The following ABCA12 variants were observed in gnomAD, a reference collection of about 807,000 sequenced individuals.
ABCA12 encodes ATP binding cassette subfamily A member 12.
ABCA12 carries 156 observed loss-of-function variants against 293.5 expected under a neutral mutation model. The ratio of observed to expected loss-of-function variants is 0.53; its 90% CI spans 0.47 to 0.61. The LOEUF (loss-of-function observed/expected upper bound fraction) is 0.61, where lower values mean the gene tolerates loss of function less well. ABCA12 is among the 20% of genes least tolerant of loss of function. The probability of loss-of-function intolerance (pLI) is 0.00; values close to 1 mark genes in which losing one functional copy is unlikely to be tolerated. For missense variants in ABCA12, 2,797 were observed against 3,090.2 expected, an observed-to-expected ratio of 0.91 and a Z score of 2.25; for synonymous variants, 1,063 against 1,108.0, an observed-to-expected ratio of 0.96 and a Z score of 0.81.
At chr2:214,968,605 G>T in intron 38 of ABCA12, 115 bp downstream of exon 38, 1 of 1,002,788 alleles carries the variant, frequency 1.0e-6, no homozygotes, top group Non-Finnish European at 1.6e-6. Flanking sequence ...CCTGGGTTAT[G>T]CACAATGCCA....
At chr2:214,949,809 A>G (rs1418150609) in intron 45 of ABCA12, among the ~76,000 whole-genome samples, 2 of 152,240 alleles carry the variant, frequency 1.3e-5, no homozygotes, top group Non-Finnish European at 2.9e-5. Context: ...CTTCCTGACC[A>G]AAGTCTACCC....
rs1702119297 is a variant in ABCA12, at chr2:215,090,393, C to T, written c.163+21204G>A. Among the ~76,000 whole-genome samples the T allele has an allele frequency of 2.0e-5, 3 of 152,162 alleles. No individual in the cohort carries two copies. In the South Asian group the frequency reaches 6.2e-4, roughly 32 times the overall value. Reference sequence around the variant, plus strand: ...CTCACTCTGTGAGGAGATCCACCTACCACCTCGGGTCCTCAGACCAGCCCA... The same window carrying T: ...CTCACTCTGTGAGGAGATCCACCTATCACCTCGGGTCCTCAGACCAGCCCA... On this transcript the variant is annotated intron_variant, in intron 2 of 52. Coordinates refer to ENST00000272895, the MANE Select transcript of ABCA12 (RefSeq NM_173076.3).
intron 15 of ABCA12, among the ~76,000 whole-genome samples, chr2:215,014,760 T>C (rs373482927): frequency 2.6e-5 from 4 of 152,340 alleles, no homozygotes; most frequent in South Asian, 2.1e-4. Flanking sequence ...TGTGGCTATG[T>C]CTCAAAAATA....
At chr2:215,083,544 C>T (rs546895375) in intron 2 of ABCA12, among the ~76,000 whole-genome samples, 2 of 152,208 alleles carry the variant, frequency 1.3e-5, no homozygotes, top group South Asian at 2.1e-4. Context: ...ACAAGCAGGA[C>T]AGAATTTACA....
Position 214,934,076 on chromosome 2 carries a change from A to G in ABCA12, c.7680+2T>C, listed in dbSNP as rs765983333. 1.9e-6 allele frequency: 3 copies of G among 1,613,220 alleles called. No individual in the cohort carries two copies. The Admixed American group carries it at 5.0e-5, about 27-fold the overall frequency. On this transcript the variant is annotated splice_donor_variant, in intron 52 of 52. Transcript: ENST00000272895. LOFTEE classifies it high-confidence loss of function. ...GCACATGGATCGTGGTATATATCTT[A>G]CCTCTTCCAGAGTGGTCTGACTCAC...
chr2:214,951,162 CA>C, intron 44 of ABCA12, 79 bp from the exon 45 acceptor site: 1 of 1,255,744 alleles, frequency 8.0e-7, no homozygotes, highest in Non-Finnish European at 1.2e-6. Flanking sequence ...GATGGGTTTT[CA>C]TGTCACTAAC....
At chr2:215,037,789 C>T (rs1701022517) in intron 7 of ABCA12, among the ~76,000 whole-genome samples, 1 of 152,112 alleles carries the variant, frequency 6.6e-6, no homozygotes, top group Admixed American at 6.5e-5. Context: ...CCTTTATAGC[C>T]ATTAGTGCAT....
At position 214,932,509 on chromosome 2, in the gene ABCA12, G is replaced by T; in HGVS notation, c.*125C>A. The T allele has an allele frequency of 1.3e-6, 1 of 796,972 alleles. No individual in the cohort carries two copies. Among genetic ancestry groups the T allele is most frequent in the Non-Finnish European group, 2.1e-6 (1 of 475,948 alleles). The allele number at this position is 796,972 out of a possible 1,614,324, so 49.4% of individuals were successfully genotyped here. On this transcript the variant is annotated 3_prime_UTR_variant, in exon 53 of 53. Transcript: ENST00000272895. The stretch of plus-strand genomic sequence containing the variant: ...AATTACTTGTTAGTCTAACACAGTT[G>T]TAACTTTCCATACAGTATATTACTT...
intron 49 of ABCA12, among the ~76,000 whole-genome samples, chr2:214,944,313 G>A (rs771390955): frequency 3.3e-5 from 5 of 152,132 alleles, no homozygotes; most frequent in Non-Finnish European, 5.9e-5. Flanking sequence ...ATGGGAGGCT[G>A]AGGCAGGAGA....
chr2:215,048,578 C>CT (rs1280541696), intron 6 of ABCA12, among the ~76,000 whole-genome samples: 1 of 152,066 alleles, frequency 6.6e-6, no homozygotes, highest in African/African-American at 2.4e-5. Flanking sequence ...TGGCCTGCAC[C>CT]TGTAGTCCCA....
At chr2:214,996,621 G>T (rs1413859243) in intron 23 of ABCA12, among the ~76,000 whole-genome samples, 1 of 152,132 alleles carries the variant, frequency 6.6e-6, no homozygotes, top group Non-Finnish European at 1.5e-5. Flanking sequence ...TTGATGAGAA[G>T]TTTACCAAAT....
At chr2:215,005,150 G>T (rs1700226589) in intron 19 of ABCA12, among the ~76,000 whole-genome samples, 1 of 152,136 alleles carries the variant, frequency 6.6e-6, no homozygotes, top group Non-Finnish European at 1.5e-5. Context: ...TGAGGTAAGG[G>T]CTATTATTAC....
At chr2:215,062,507 C>T (rs758565433) in intron 3 of ABCA12, among the ~76,000 whole-genome samples, 5 of 151,980 alleles carry the variant, frequency 3.3e-5, no homozygotes, top group African/African-American at 4.8e-5. Context: ...ACACACAATG[C>T]GAATCCCCTT....
intron 28 of ABCA12, among the ~76,000 whole-genome samples, chr2:214,986,143 TG>T (rs1699780766): frequency 6.6e-6 from 1 of 151,940 alleles, no homozygotes; most frequent in Admixed American, 6.6e-5. Context: ...TGAAACAGGG[TG>T]GGTGTATGAA....
intron 39 of ABCA12, among the ~76,000 whole-genome samples, chr2:214,961,581 T>G (rs1051876396): frequency 3.9e-5 from 6 of 152,162 alleles, no homozygotes; most frequent in Non-Finnish European, 5.9e-5. Context: ...TAGTTATTTC[T>G]ATAGTTCTTA....
chr2:215,055,060 T>C (rs1701393175), intron 3 of ABCA12, among the ~76,000 whole-genome samples: 2 of 152,026 alleles, frequency 1.3e-5, no homozygotes, highest in African/African-American at 4.8e-5. Context: ...TTTGTCAACA[T>C]TAAAAGAAAA....
intron 23 of ABCA12, among the ~76,000 whole-genome samples, chr2:214,992,319 C>T (rs1314088015): frequency 1.3e-5 from 2 of 151,234 alleles, no homozygotes; most frequent in African/African-American, 4.9e-5. Flanking sequence ...GGCGGGCCCC[C>T]GTAGCCCCAG....
At chr2:214,958,584 G>T (rs1699023443) in intron 40 of ABCA12, 130 bp from the exon 41 acceptor site, 2 of 906,648 alleles carry the variant, frequency 2.2e-6, no homozygotes, top group East Asian at 5.3e-5. Flanking sequence ...AAGGCATCCT[G>T]CAAGGCAGCC....
At chr2:214,948,929 C>T (rs533033267) in intron 46 of ABCA12, 111 bp downstream of exon 46, 4 of 1,160,198 alleles carry the variant, frequency 3.4e-6, no homozygotes, top group Middle Eastern at 2.0e-4. Flanking sequence ...GCTTTGTTCT[C>T]CCCTAAGGAC....
Sources: gnomAD v4.1 joint callset for allele counts (sites outside exome capture counted in the v4.1 genomes callset) on GRCh38, gnomAD v4.1.1 for gene constraint, MANE v1.5 for transcripts, NCBI Gene and HGNC (gene_info 2026-07-23, HGNC 2026-07-21) for gene names.